RTN4RL1: variants seen among roughly 807,000 people sequenced by gnomAD.
The protein encoded by RTN4RL1 is reticulon 4 receptor like 1.
Under a neutral mutation model 25.6 loss-of-function variants are expected in RTN4RL1, and 7 were observed. That is an observed-to-expected ratio of 0.27 (90% CI 0.16 to 0.51). The LOEUF (loss-of-function observed/expected upper bound fraction) is 0.51. Among genes scored for constraint, RTN4RL1 ranks in the 20% least tolerant of loss-of-function variants. The probability of loss-of-function intolerance (pLI) is 0.97; values close to 1 mark genes in which losing one functional copy is unlikely to be tolerated. For missense variants in RTN4RL1, 500 were observed against 615.6 expected (o/e 0.81, Z 1.99); for synonymous variants, 297 against 288.2 (o/e 1.03, Z -0.31).
intron 1 of RTN4RL1, among the ~76,000 whole-genome samples, chr17:1,951,767 T>G (rs1915686252): frequency 2.0e-5 from 3 of 152,044 alleles, no homozygotes; most frequent in Admixed American, 2.0e-4. Flanking sequence ...GCCACAAAGT[T>G]TTTCAGGAAG....
chr17:1,984,274 G>A (rs1219897295), intron 1 of RTN4RL1, among the ~76,000 whole-genome samples: 1 of 152,254 alleles, frequency 6.6e-6, no homozygotes, highest in African/African-American at 2.4e-5. Context: ...GAGAAGCCGA[G>A]TCAAGGCCGC....
chr17:1,957,421 C>G (rs1915814454), intron 1 of RTN4RL1, among the ~76,000 whole-genome samples: 1 of 152,180 alleles, frequency 6.6e-6, no homozygotes, highest in African/African-American at 2.4e-5. Context: ...GTGCTGGACC[C>G]CTTCTGTGTG....
At chr17:1,942,307 G>C (rs796578801) in intron 1 of RTN4RL1, among the ~76,000 whole-genome samples, 163 of 152,180 alleles carry the variant, frequency 1.1e-3, no homozygotes, top group African/African-American at 3.7e-3. Context: ...TTCAACACTT[G>C]CTGCCTGAGC....
chr17:1,938,001 G>A (rs180953128), intron 1 of RTN4RL1, among the ~76,000 whole-genome samples, 193 bp from the exon 2 acceptor site: 100 of 152,336 alleles, frequency 6.6e-4, no homozygotes, highest in Middle Eastern at 6.8e-3. Flanking sequence ...CCCCTCCTTG[G>A]TGACCCACTT....
At chr17:2,002,265 TTCTC>T (rs1296336186) in intron 1 of RTN4RL1, among the ~76,000 whole-genome samples, 33 of 150,216 alleles carry the variant, frequency 2.2e-4, no homozygotes, top group East Asian at 1.0e-3. Flanking sequence ...TCTTTTTTCT[TTCTC>T]TCTTTCTCTT....
intron 1 of RTN4RL1, among the ~76,000 whole-genome samples, chr17:2,012,999 G>C (rs917930472): frequency 6.6e-6 from 1 of 152,056 alleles, no homozygotes; most frequent in Non-Finnish European, 1.5e-5. Flanking sequence ...TCATCATGTT[G>C]ACCAGGCTAG....
chr17:1,977,255 G>C (rs968003721), intron 1 of RTN4RL1, among the ~76,000 whole-genome samples: 2 of 152,222 alleles, frequency 1.3e-5, no homozygotes, highest in African/African-American at 4.8e-5. Flanking sequence ...GCAGAGACTA[G>C]AGTCTGGGGA....
intron 1 of RTN4RL1, among the ~76,000 whole-genome samples, chr17:1,957,759 G>A (rs1567509139): frequency 6.6e-6 from 1 of 151,996 alleles, no homozygotes; most frequent in Admixed American, 6.6e-5. Context: ...CAGGAGAATC[G>A]CTTGAACCCA....
intron 1 of RTN4RL1, among the ~76,000 whole-genome samples, chr17:1,955,664 AC>A (rs1715696814): frequency 6.6e-6 from 1 of 151,328 alleles, no homozygotes; most frequent in Non-Finnish European, 1.5e-5. Flanking sequence ...GCTCACTGCA[AC>A]CTCCACCTCC....
At chr17:1,985,214 C>T (rs530329501) in intron 1 of RTN4RL1, among the ~76,000 whole-genome samples, 2 of 152,364 alleles carry the variant, frequency 1.3e-5, no homozygotes, top group South Asian at 4.1e-4. Context: ...CTCCACAAGC[C>T]TGTGCTCCTG....
chr17:1,977,685 C>G (rs2066848556), intron 1 of RTN4RL1, among the ~76,000 whole-genome samples: 1 of 152,090 alleles, frequency 6.6e-6, no homozygotes, highest in African/African-American at 2.4e-5. Context: ...CCAATGTCAT[C>G]CGTCTCCAAC....
intron 1 of RTN4RL1, among the ~76,000 whole-genome samples, chr17:2,002,431 T>C (rs1224668678): frequency 2.0e-5 from 3 of 150,860 alleles, no homozygotes; most frequent in African/African-American, 2.4e-5. Flanking sequence ...TAGCTGGGAC[T>C]ACAGGCGCCC....
intron 1 of RTN4RL1, chr17:2,019,081 C>G (rs920601056): frequency 3.3e-5 from 5 of 152,218 alleles, no homozygotes; most frequent in Non-Finnish European, 5.9e-5. Context: ...TCCTGCAGCC[C>G]TAGCCTTGGA....
chr17:2,021,913 C>T (rs117634563), intron 1 of RTN4RL1, among the ~76,000 whole-genome samples: 6,187 of 141,186 alleles, frequency 0.044, 201 homozygotes, highest in Non-Finnish European at 0.063. Context: ...GGCTGGAGGG[C>T]AGTTGTACAA....
chr17:1,961,966 AAAAGAAAGAAAAG>A (rs1555518137), intron 1 of RTN4RL1, among the ~76,000 whole-genome samples: 12 of 145,114 alleles, frequency 8.3e-5, no homozygotes, highest in East Asian at 6.1e-4. Context: ...AAAAGAAAAG[AAAAGAAAGAAAAG>A]AAAGAAAGAA....
intron 1 of RTN4RL1, among the ~76,000 whole-genome samples, chr17:1,997,510 TC>T (rs1442106457): frequency 1.3e-5 from 2 of 152,240 alleles, no homozygotes; most frequent in Non-Finnish European, 2.9e-5. Context: ...TCTGAACTTG[TC>T]TGTCTGGTAG....
At chr17:2,023,140 A>G (rs2067230674) in intron 1 of RTN4RL1, among the ~76,000 whole-genome samples, 1 of 152,210 alleles carries the variant, frequency 6.6e-6, no homozygotes, top group Non-Finnish European at 1.5e-5. Context: ...TATCCCTATC[A>G]CAGACCTGCA....
intron 1 of RTN4RL1, among the ~76,000 whole-genome samples, chr17:1,968,589 C>A (rs4239062): frequency 1.3e-5 from 2 of 151,780 alleles, no homozygotes; most frequent in African/African-American, 4.8e-5. Context: ...AGGAGCTCAG[C>A]GCACTCAGGA....
At chr17:1,950,901 T>TC (rs1915660032) in intron 1 of RTN4RL1, among the ~76,000 whole-genome samples, 1 of 137,522 alleles carries the variant, frequency 7.3e-6, no homozygotes, top group Admixed American at 7.4e-5. Flanking sequence ...ACTGAGACTC[T>TC]CTCTCTCTCT....
Sources: allele counts gnomAD v4.1 joint callset (sites outside exome capture counted in the v4.1 genomes callset), GRCh38; gene constraint gnomAD v4.1.1; transcripts MANE v1.5; gene names NCBI Gene and HGNC (gene_info 2026-07-23, HGNC 2026-07-21).